Variants in MDM2 observed in about 807,000 individuals in gnomAD.
MDM2 encodes MDM2 proto-oncogene.
MDM2 carries 11 observed loss-of-function variants against 64.3 expected under a neutral mutation model. The ratio of observed to expected loss-of-function variants is 0.17; its 90% confidence interval spans 0.11 to 0.28. The LOEUF (loss-of-function observed/expected upper bound fraction) is 0.28. Ranked by LOEUF, MDM2 falls within the 10% of genes least tolerant of loss-of-function variation. The probability of loss-of-function intolerance (pLI) is 1.00; values close to 1 mark genes in which losing one functional copy is unlikely to be tolerated. For synonymous variants in MDM2, 194 were observed against 192.9 expected (o/e 1.01, Z -0.05); for missense variants, 388 against 577.1 (o/e 0.67, Z 3.36).
chr12:68,811,601 A>ATTT lies in MDM2; in HGVS notation c.100-1934_100-1932dup, dbSNP rs34328350. Among the ~76,000 whole-genome samples, 239 of 114,298 alleles carry ATTT rather than the reference A, an allele frequency of 2.1e-3. 3 individuals are homozygous for ATTT. The highest frequency in any genetic ancestry group is 5.5e-3 in the African/African-American group (158 of 28,882). 75.0% of individuals were successfully genotyped at this position (114,298 alleles called of 152,430 possible). A position where few individuals can be genotyped will look rare whatever the true frequency, so the allele number is the denominator to read the frequency against. ...ATATACTGATGGCTTTCCATTACAGATTTTTTTTTTTTTTTTTTTTTGAGA... is the reference window on the plus strand; with the variant it reads ...ATATACTGATGGCTTTCCATTACAGATTTTTTTTTTTTTTTTTTTTTTTTGAGA... On this transcript the variant is annotated intron_variant, in intron 2 of 10. Transcript: ENST00000258149.
At chr12:68,823,143 A>C (rs1882004955) in intron 5 of MDM2, among the ~76,000 whole-genome samples, 1 of 152,228 alleles carries the variant, frequency 6.6e-6, no homozygotes, top group Admixed American at 6.5e-5. Flanking sequence ...TAAGAAAATT[A>C]GTGTAATGCC....
intron 2 of MDM2, among the ~76,000 whole-genome samples, chr12:68,810,707 C>T (rs542380378): frequency 4.5e-4 from 68 of 151,988 alleles, no homozygotes; most frequent in African/African-American, 7.5e-4. Flanking sequence ...GTGATCCGCC[C>T]GCCTCGGCCT....
chr12:68,841,841 G>C lies in MDM2; in HGVS notation c.*1992G>C. 1 of 211,662 alleles carries C rather than the reference G, an allele frequency of 4.7e-6. No homozygotes were observed. 13.1% of individuals were successfully genotyped at this position (211,662 alleles called of 1,614,324 possible). The stretch of plus-strand genomic sequence containing the variant: ...ATCATTTTCCTTCAAGAATGACAGG[G>C]TCAGCATGTGGAATTCCAAGATACC... On this transcript the variant is annotated 3_prime_UTR_variant, in exon 11 of 11. Transcript: ENST00000258149.
At chr12:68,810,151 A>C (rs561339574) in intron 2 of MDM2, among the ~76,000 whole-genome samples, 23 of 152,192 alleles carry the variant, frequency 1.5e-4, no homozygotes, top group African/African-American at 5.3e-4. Context: ...GTCTCTACTA[A>C]AAATACAAAA....
At chr12:68,821,025 A>G (rs900224416) in intron 5 of MDM2, among the ~76,000 whole-genome samples, 6 of 149,852 alleles carry the variant, frequency 4.0e-5, no homozygotes, top group African/African-American at 1.2e-4. Flanking sequence ...TGGAGTTGGG[A>G]AGAGATGTAC....
At chr12:68,833,363 AGGCACC>A (rs1883053711) in intron 8 of MDM2, among the ~76,000 whole-genome samples, 2 of 137,670 alleles carry the variant, frequency 1.5e-5, no homozygotes, top group African/African-American at 5.2e-5. Flanking sequence ...ATAAATGGGC[AGGCACC>A]TGTATATATT....
At chr12:68,814,836 G>T (rs1881211236) in intron 3 of MDM2, 1 of 157,638 alleles carries the variant, frequency 6.3e-6, no homozygotes, top group African/African-American at 2.4e-5. Context: ...AAATATGCCT[G>T]TTCTCTGTCT....
chr12:68,838,290 A>T (rs3730648), intron 10 of MDM2, among the ~76,000 whole-genome samples: 6 of 152,144 alleles, frequency 3.9e-5, no homozygotes, highest in Non-Finnish European at 8.8e-5. Context: ...TGCTTCAGCT[A>T]AGGCAAGAAG....
chr12:68,811,181 A>G (rs1029665182), intron 2 of MDM2, among the ~76,000 whole-genome samples: 2 of 151,940 alleles, frequency 1.3e-5, no homozygotes, highest in South Asian at 2.1e-4. Flanking sequence ...TTGTTAAGTC[A>G]TTTATTTCTT....
At chr12:68,833,444 A>AAT (rs1306146315) in intron 8 of MDM2, among the ~76,000 whole-genome samples, 2 of 142,890 alleles carry the variant, frequency 1.4e-5, no homozygotes, top group Non-Finnish European at 3.0e-5. Flanking sequence ...ATATTTTAAA[A>AAT]ATATATATAG....
chr12:68,824,753 G>T (rs1882162459), intron 7 of MDM2, 102 bp downstream of exon 7: 4 of 741,872 alleles, frequency 5.4e-6, no homozygotes, highest in South Asian at 1.9e-5. Flanking sequence ...CCCTTTTTTT[G>T]GTTGAGATGA....
At chr12:68,809,407 A>G in intron 2 of MDM2, 115 bp downstream of exon 2, 1 of 954,924 alleles carries the variant, frequency 1.0e-6, no homozygotes, top group Non-Finnish European at 1.7e-6. Flanking sequence ...GTATGTGCAT[A>G]GCTTAAAGTG....
intron 7 of MDM2, among the ~76,000 whole-genome samples, chr12:68,824,938 CT>C: frequency 6.6e-6 from 1 of 152,040 alleles, no homozygotes; most frequent in African/African-American, 2.4e-5. Flanking sequence ...TGGCTCACGC[CT>C]GGCTCACGCC....
At chr12:68,810,050 C>G (rs1313769017) in intron 2 of MDM2, among the ~76,000 whole-genome samples, 1 of 151,894 alleles carries the variant, frequency 6.6e-6, no homozygotes, top group Non-Finnish European at 1.5e-5. Flanking sequence ...GGTGGCTCAC[C>G]CCTGTAATCC....
rs1211980289 is a variant in MDM2, at chr12:68,842,132, T to C, written c.*2283T>C. The C allele has an allele frequency of 6.8e-6, 3 of 439,616 alleles. No homozygotes were observed. The highest frequency in any genetic ancestry group is 5.8e-5 in the South Asian group (3 of 51,992). The allele number at this position is 439,616 out of a possible 1,614,324, so 27.2% of individuals were successfully genotyped here. A position where few individuals can be genotyped will look rare whatever the true frequency, so the allele number is the denominator to read the frequency against. The stretch of plus-strand genomic sequence containing the variant: ...ACAGTGGATTTGAATTTGAAAAATA[T>C]AGTAACAAGCCTGTCAAATATCTGC... On this transcript the variant is annotated 3_prime_UTR_variant, in exon 11 of 11. Coordinates refer to ENST00000258149, the MANE Select transcript of MDM2 (RefSeq NM_002392.6).
chr12:68,839,222 C>T (rs1282135831), intron 10 of MDM2, 52 bp from the exon 11 acceptor site: 2 of 1,531,190 alleles, frequency 1.3e-6, no homozygotes, highest in African/African-American at 2.8e-5. Context: ...ATTCCTGTGA[C>T]TGAGCAGTTA....
chr12:68,836,021 T>C, intron 9 of MDM2, 37 bp downstream of exon 9: 1 of 1,488,578 alleles, frequency 6.7e-7, no homozygotes, highest in Non-Finnish European at 9.1e-7. Context: ...TATTGGAAAA[T>C]TATTAAATAT....
chr12:68,846,454 A>C (rs988553040), downstream of MDM2: 1 of 152,120 alleles, frequency 6.6e-6, no homozygotes, highest in Admixed American at 6.6e-5. Context: ...CTCAGGGTTA[A>C]ATTTTAGCGC....
chr12:68,833,317 A>ATTT (rs1565744155), intron 8 of MDM2, among the ~76,000 whole-genome samples: 5,217 of 120,304 alleles, frequency 0.043, 753 homozygotes, highest in African/African-American at 0.099. Flanking sequence ...ATAAAAATAT[A>ATTT]ATTATATAAA....
Sources: allele counts gnomAD v4.1 joint callset (sites outside exome capture counted in the v4.1 genomes callset), GRCh38; gene constraint gnomAD v4.1.1; transcripts MANE v1.5; gene names NCBI Gene and HGNC (gene_info 2026-07-23, HGNC 2026-07-21).